Variants in TRAPPC9 observed in about 807,000 individuals in gnomAD.
The protein encoded by TRAPPC9 is trafficking protein particle complex subunit 9.
Under a neutral mutation model 124.0 loss-of-function variants are expected in TRAPPC9, and 83 were observed. That is an observed-to-expected ratio of 0.67 (90% CI 0.56 to 0.80). TRAPPC9 has a LOEUF of 0.80. Among genes scored for constraint, TRAPPC9 ranks in the 30% least tolerant of loss-of-function variants. TRAPPC9 has a pLI of 0.00. For synonymous variants in TRAPPC9, 638 were observed against 617.5 expected, an observed-to-expected ratio of 1.03 and a Z score of -0.49; for missense variants, 1,302 against 1,508.3, an observed-to-expected ratio of 0.86 and a Z score of 2.27.
At chr8:139,917,099 T>C (rs1376691528) in intron 19 of TRAPPC9, among the ~76,000 whole-genome samples, 2 of 151,710 alleles carry the variant, frequency 1.3e-5, no homozygotes, top group Non-Finnish European at 2.9e-5. Flanking sequence ...TGAGAGAGGA[T>C]CATTTTATCC....
chr8:139,954,014 A>C (rs1834824896), intron 19 of TRAPPC9, among the ~76,000 whole-genome samples: 1 of 152,206 alleles, frequency 6.6e-6, no homozygotes, highest in Non-Finnish European at 1.5e-5. Flanking sequence ...TGAGTGAAAG[A>C]AGCCAGATCA....
At chr8:140,134,108 C>T (rs1309934237) in intron 17 of TRAPPC9, among the ~76,000 whole-genome samples, 1 of 151,900 alleles carries the variant, frequency 6.6e-6, no homozygotes, top group Non-Finnish European at 1.5e-5. Flanking sequence ...AAAAAAAGAA[C>T]AAAGTTAGAG....
chr8:139,971,981 C>T lies in TRAPPC9; in HGVS notation c.2810+16745G>A, dbSNP rs1432006534. ...GGACTACAGGCACGCGCCACCATGCCCGCCTAAATTTTTTTGTATTCTTAG... is the reference window on the plus strand; with the variant it reads ...GGACTACAGGCACGCGCCACCATGCTCGCCTAAATTTTTTTGTATTCTTAG... On this transcript the variant is annotated intron_variant, in intron 19 of 22. Transcript: ENST00000438773. 2.4e-4 allele frequency among the ~76,000 whole-genome samples: 36 copies of T among 151,950 alleles called. 1 individual carries two copies. The highest frequency in any genetic ancestry group is 8.8e-5 in the Non-Finnish European group (6 of 68,000).
At chr8:140,427,629 C>T (rs891990619) in intron 4 of TRAPPC9, among the ~76,000 whole-genome samples, 2 of 152,132 alleles carry the variant, frequency 1.3e-5, no homozygotes, top group African/African-American at 4.8e-5. Flanking sequence ...TCAAGGGGTA[C>T]TGGTTCCAAG....
chr8:139,929,030 C>T (rs965955333), intron 19 of TRAPPC9, among the ~76,000 whole-genome samples: 3 of 152,182 alleles, frequency 2.0e-5, no homozygotes, highest in South Asian at 2.1e-4. Flanking sequence ...GTGCTGTGCA[C>T]GCCAATGGCA....
chr8:140,261,227 A>G (rs1337577869), intron 15 of TRAPPC9, among the ~76,000 whole-genome samples: 4 of 152,314 alleles, frequency 2.6e-5, no homozygotes, highest in African/African-American at 9.6e-5. Flanking sequence ...TGGTTTTTAC[A>G]TTCTATTGCT....
intron 21 of TRAPPC9, among the ~76,000 whole-genome samples, chr8:139,849,474 T>C (rs1401837926): frequency 1.3e-5 from 2 of 152,266 alleles, no homozygotes; most frequent in Admixed American, 1.3e-4. Flanking sequence ...TTCTGCATTT[T>C]CATTATGTAC....
chr8:140,064,100 T>G (rs1413782114), intron 17 of TRAPPC9, among the ~76,000 whole-genome samples: 1 of 152,082 alleles, frequency 6.6e-6, no homozygotes, highest in Non-Finnish European at 1.5e-5. Flanking sequence ...CATACCTGTC[T>G]ACAATGACAT....
At chr8:140,175,507 C>T (rs1464468989) in intron 17 of TRAPPC9, among the ~76,000 whole-genome samples, 3 of 152,060 alleles carry the variant, frequency 2.0e-5, no homozygotes, top group African/African-American at 4.8e-5. Context: ...AAGAAATGAA[C>T]GCCAAAGAGA....
intron 8 of TRAPPC9, among the ~76,000 whole-genome samples, chr8:140,370,566 T>A (rs762398382): frequency 6.6e-6 from 1 of 152,246 alleles, no homozygotes; most frequent in Non-Finnish European, 1.5e-5. Context: ...TATTTCAGAA[T>A]AAGAATTTAC....
Position 140,356,266 on chromosome 8 carries a change from G to A in TRAPPC9, c.1495+3784C>T, listed in dbSNP as rs141880951. ...TCGTCCACTCTCTGTTCTTCCCGGC[G>A]GCCATTTCATGGACACACGTGTAAA... On this transcript the variant is annotated intron_variant, in intron 9 of 22. Coordinates refer to ENST00000438773, the MANE Select transcript of TRAPPC9 (RefSeq NM_001160372.4). Among the ~76,000 whole-genome samples, 25 of 152,270 alleles carry A rather than the reference G, an allele frequency of 1.6e-4. No homozygotes were observed. In the East Asian group the frequency reaches 3.1e-3, roughly 19 times the overall value.
At chr8:140,189,944 C>T (rs1490005268) in intron 17 of TRAPPC9, among the ~76,000 whole-genome samples, 3 of 152,156 alleles carry the variant, frequency 2.0e-5, no homozygotes, top group South Asian at 2.1e-4. Context: ...GGCAGACGCA[C>T]GGCCTCCATA....
At position 139,998,771 on chromosome 8, in the gene TRAPPC9, T is replaced by C. The variant is rs184387262; in HGVS notation, c.2700-9935A>G. Among the ~76,000 whole-genome samples, 26 of 152,196 alleles carry C rather than the reference T, an allele frequency of 1.7e-4. No homozygotes were observed. The East Asian group carries it at 4.6e-3, about 27-fold the overall frequency. On this transcript the variant is annotated intron_variant, in intron 18 of 22. Coordinates refer to ENST00000438773, the MANE Select transcript of TRAPPC9 (RefSeq NM_001160372.4). ...CAAAACAAAAAAAAACAATGAACGA[T>C]ATATGATGAATACAAGCTAAAATTA...
chr8:140,458,480 C>A, upstream of TRAPPC9: 2 of 1,573,140 alleles, frequency 1.3e-6, no homozygotes, highest in Non-Finnish European at 1.7e-6. Context: ...GATCGCAGGG[C>A]CCGGGAGGCA....
intron 4 of TRAPPC9, among the ~76,000 whole-genome samples, chr8:140,434,481 G>C (rs2070745510): frequency 6.6e-6 from 1 of 152,138 alleles, no homozygotes; most frequent in Admixed American, 6.5e-5. Context: ...CCCTGAATCA[G>C]CTTATTAAAA....
intron 9 of TRAPPC9, among the ~76,000 whole-genome samples, chr8:140,334,769 C>T (rs576160761): frequency 1.3e-5 from 2 of 151,912 alleles, no homozygotes; most frequent in Non-Finnish European, 2.9e-5. Flanking sequence ...GATCCCTGTC[C>T]CCAAGGAGTC....
chr8:140,155,216 G>A (rs1471645375), intron 17 of TRAPPC9, among the ~76,000 whole-genome samples: 1 of 152,224 alleles, frequency 6.6e-6, no homozygotes, highest in Non-Finnish European at 1.5e-5. Flanking sequence ...GGGGCCATTT[G>A]ACTCAAAGAC....
intron 21 of TRAPPC9, among the ~76,000 whole-genome samples, chr8:139,752,298 A>T: frequency 6.8e-6 from 1 of 147,464 alleles, no homozygotes; most frequent in East Asian, 2.1e-4. Context: ...CAACCCATCT[A>T]CCATCCATCC....
Position 140,451,227 on chromosome 8 carries a change from G to A in TRAPPC9, c.147C>T (p.Ser49=), listed in dbSNP as rs1160548207. The change falls in exon 2 of 23, where the codon TCC becomes TCT. Residue 49 remains serine, a synonymous_variant. Transcript: ENST00000438773. ...TGTAGCGGATGTAGAGGACTCGCTG[G>A]GAGTCCCGCACGCTGATCTGACTCA... ...CSVSQISVRD[S]QRVLYIRYRH... is the part of the protein sequence containing the mutation. 6.2e-7 allele frequency: 1 copy of A among 1,613,896 alleles called. No homozygotes were observed. Among genetic ancestry groups the A allele is most frequent in the Non-Finnish European group, 8.5e-7 (1 of 1,180,030 alleles).
Sources: gnomAD v4.1 joint callset for allele counts (sites outside exome capture counted in the v4.1 genomes callset) on GRCh38, gnomAD v4.1.1 for gene constraint, MANE v1.5 for transcripts, NCBI Gene and HGNC (gene_info 2026-07-23, HGNC 2026-07-21) for gene names.